The following BTBD10 variants were observed in gnomAD, a reference collection of about 807,000 sequenced individuals.
The protein encoded by BTBD10 is BTB domain containing 10, also known as BTB/POZ domain-containing protein 10.
Under a neutral mutation model 53.2 loss-of-function variants are expected in BTBD10, and 21 were observed. The ratio of observed to expected loss-of-function variants is 0.39; its 90% CI spans 0.28 to 0.57. The LOEUF (loss-of-function observed/expected upper bound fraction) is 0.57, where lower values mean the gene tolerates loss of function less well. BTBD10 is among the 20% of genes least tolerant of loss of function. The pLI is 0.53. For synonymous variants in BTBD10, 149 were observed against 192.7 expected (o/e 0.77, Z 1.88); for missense variants, 360 against 594.7 (o/e 0.61, Z 4.10).
intron 2 of BTBD10, among the ~76,000 whole-genome samples, chr11:13,430,784 C>CA (rs1183370811): frequency 6.6e-6 from 1 of 151,828 alleles, no homozygotes; most frequent in Non-Finnish European, 1.5e-5. Flanking sequence ...CTCTCCACCA[C>CA]AAAAAATAAA....
At chr11:13,442,440 G>T (rs1435560078) in intron 2 of BTBD10, among the ~76,000 whole-genome samples, 2 of 152,054 alleles carry the variant, frequency 1.3e-5, no homozygotes, top group East Asian at 1.9e-4. Flanking sequence ...CAAGTTGGAT[G>T]GTCCTGGGCA....
chr11:13,403,781 A>G (rs548529399), intron 7 of BTBD10, among the ~76,000 whole-genome samples: 1 of 152,296 alleles, frequency 6.6e-6, no homozygotes, highest in South Asian at 2.1e-4. Context: ...CCCTCCCCAC[A>G]AACTGTTTTC....
chr11:13,390,088 G>GA (rs1301808090), intron 8 of BTBD10, among the ~76,000 whole-genome samples: 19 of 144,914 alleles, frequency 1.3e-4, no homozygotes, highest in South Asian at 2.2e-4. Context: ...CCCTAGATTT[G>GA]AAAAAAAAAA....
chr11:13,390,462 G>A (rs187688149), intron 8 of BTBD10, among the ~76,000 whole-genome samples: 129 of 152,010 alleles, frequency 8.5e-4, no homozygotes, highest in African/African-American at 2.8e-3. Context: ...TCCTGCCTCA[G>A]CCTCTCGAGT....
intron 4 of BTBD10, among the ~76,000 whole-genome samples, chr11:13,418,991 TA>T (rs201422634): frequency 0.02 from 2,864 of 142,072 alleles, 104 homozygotes; most frequent in Admixed American, 0.077. Flanking sequence ...TTTTTTTTTT[TA>T]AAAGTATCTA....
At chr11:13,458,946 C>A (rs1459564237) in intron 1 of BTBD10, among the ~76,000 whole-genome samples, 1 of 152,020 alleles carries the variant, frequency 6.6e-6, no homozygotes, top group Non-Finnish European at 1.5e-5. Context: ...TATTTGTATG[C>A]CACCCAAAAA....
At chr11:13,449,308 A>G (rs1486805710) in intron 1 of BTBD10, among the ~76,000 whole-genome samples, 3 of 152,124 alleles carry the variant, frequency 2.0e-5, no homozygotes. Flanking sequence ...AGTTCTAGGA[A>G]GTTTATATAT....
chr11:13,389,455 G>T (rs1847327501), intron 8 of BTBD10, among the ~76,000 whole-genome samples: 1 of 148,734 alleles, frequency 6.7e-6, no homozygotes, highest in South Asian at 2.1e-4. Context: ...TTGACATGGA[G>T]TCTCACTTTG....
intron 1 of BTBD10, among the ~76,000 whole-genome samples, chr11:13,453,823 G>T (rs1176189057): frequency 6.6e-6 from 1 of 152,184 alleles, no homozygotes; most frequent in African/African-American, 2.4e-5. Flanking sequence ...GGAGGCCGAG[G>T]CAGGTGGATC....
intron 2 of BTBD10, among the ~76,000 whole-genome samples, chr11:13,432,546 A>G: frequency 6.6e-6 from 1 of 152,186 alleles, no homozygotes; most frequent in East Asian, 1.9e-4. Context: ...ATTATTTCAT[A>G]ATGAAAATAA....
intron 1 of BTBD10, among the ~76,000 whole-genome samples, chr11:13,449,824 G>T (rs1246178060): frequency 1.3e-5 from 2 of 152,140 alleles, no homozygotes; most frequent in Non-Finnish European, 2.9e-5. Flanking sequence ...CAGCTCTCTT[G>T]ATAACTGACC....
At chr11:13,438,890 ACT>A (rs751111096) in intron 2 of BTBD10, among the ~76,000 whole-genome samples, 1 of 151,916 alleles carries the variant, frequency 6.6e-6, no homozygotes, top group African/African-American at 2.4e-5. Context: ...TGCTTTTATA[ACT>A]CTATTTAATA....
chr11:13,415,762 T>G (rs981834109), intron 5 of BTBD10, among the ~76,000 whole-genome samples: 2 of 152,070 alleles, frequency 1.3e-5, no homozygotes, highest in African/African-American at 4.8e-5. Context: ...AATCCTGTAG[T>G]AACTGTCACA....
chr11:13,414,070 CTAGA>C (rs755801948), intron 5 of BTBD10, among the ~76,000 whole-genome samples: 11 of 152,030 alleles, frequency 7.2e-5, no homozygotes, highest in Non-Finnish European at 2.9e-5. Context: ...TAAATACTAC[CTAGA>C]TAATTTAACA....
chr11:13,403,280 T>G lies in BTBD10; in HGVS notation c.1007-2A>C, dbSNP rs765281868. 7.2e-7 allele frequency: 1 copy of G among 1,380,426 alleles called. No homozygotes were observed. The highest frequency in any genetic ancestry group is 1.5e-5 in the African/African-American group (1 of 66,332). The allele number at this position is 1,380,426 out of a possible 1,614,324, so 85.5% of individuals were successfully genotyped here. On this transcript the variant is annotated splice_acceptor_variant, in intron 7 of 8. Transcript: ENST00000278174. LOFTEE classifies it high-confidence loss of function. Reference sequence around the variant, plus strand: ...TATATAATTTTGTGCTATAAATAACTAGAAACAAAAAGAAAAATATTATTG... The same window carrying G: ...TATATAATTTTGTGCTATAAATAACGAGAAACAAAAAGAAAAATATTATTG...
chr11:13,419,705 C>T lies in BTBD10; in HGVS notation c.339G>A (p.Pro113=), dbSNP rs755611152. Residue 113 remains proline (P), a synonymous_variant, in exon 4 of 9, where the codon CCG becomes CCA. Transcript: ENST00000278174. ...CATTTGGGGATGCTTTTTGAGGACG[C>T]GGACTGCTTGGACGAGAGGAACTGT... The part of the protein sequence containing the change: ...KDHSSSRPSS[P]RPQKASPNGS... 6.1e-5 allele frequency: 99 copies of T among 1,612,150 alleles called. No individual in the cohort carries two copies. Among genetic ancestry groups the T allele is most frequent in the African/African-American group, 2.7e-5 (2 of 74,816 alleles).
intron 2 of BTBD10, among the ~76,000 whole-genome samples, chr11:13,435,942 G>A (rs1045440615): frequency 1.3e-5 from 2 of 152,092 alleles, no homozygotes; most frequent in Non-Finnish European, 2.9e-5. Flanking sequence ...ACTGTAATTA[G>A]ACTGATGAAA....
intron 7 of BTBD10, among the ~76,000 whole-genome samples, chr11:13,404,157 G>A (rs1429339296): frequency 6.6e-6 from 1 of 152,120 alleles, no homozygotes; most frequent in Non-Finnish European, 1.5e-5. Flanking sequence ...AGATTTACTG[G>A]TATTTGAAGA....
chr11:13,412,742 T>C (rs1191134312), intron 6 of BTBD10, among the ~76,000 whole-genome samples: 2 of 152,212 alleles, frequency 1.3e-5, no homozygotes, highest in African/African-American at 2.4e-5. Context: ...CACTGAACTC[T>C]TCCACGATCC....
Sources: gnomAD v4.1 joint callset for allele counts (sites outside exome capture counted in the v4.1 genomes callset) on GRCh38, gnomAD v4.1.1 for gene constraint, MANE v1.5 for transcripts, NCBI Gene and HGNC (gene_info 2026-07-23, HGNC 2026-07-21) for gene names.